Variants in MYRFL observed in about 807,000 individuals in gnomAD.
MYRFL encodes the protein myelin regulatory factor-like protein.
A neutral mutation model predicts 109.4 loss-of-function variants in MYRFL; 88 were observed. The ratio of observed to expected loss-of-function variants is 0.80; its 90% CI spans 0.68 to 0.96. The LOEUF (loss-of-function observed/expected upper bound fraction) is 0.96, where lower values mean the gene tolerates loss of function less well. MYRFL is among the 40% of genes least tolerant of loss of function. MYRFL has a pLI of 0.00. For missense variants in MYRFL, 957 were observed against 954.9 expected, an observed-to-expected ratio of 1.00 and a Z score of -0.03; for synonymous variants, 324 against 320.9, an observed-to-expected ratio of 1.01 and a Z score of -0.10.
At chr12:69,927,603 A>C in intron 14 of MYRFL, 82 bp from the exon 15 acceptor site, 1 of 981,810 alleles carries the variant, frequency 1.0e-6, no homozygotes, top group Non-Finnish European at 1.5e-6. Flanking sequence ...TCATATTGCT[A>C]TGTTAGTGAC....
intron 2 of MYRFL, among the ~76,000 whole-genome samples, chr12:69,864,118 A>G (rs918361175): frequency 1.3e-5 from 2 of 152,154 alleles, no homozygotes; most frequent in South Asian, 2.1e-4. Context: ...ATATGTTTCT[A>G]GGTATGAGCC....
At chr12:69,843,372 A>C (rs1284176520) in intron 1 of MYRFL, among the ~76,000 whole-genome samples, 2 of 152,224 alleles carry the variant, frequency 1.3e-5, no homozygotes, top group Non-Finnish European at 2.9e-5. Flanking sequence ...AAATTTTGTC[A>C]TCTTGCCAGT....
At chr12:69,878,180 T>G (rs916980918) in intron 2 of MYRFL, among the ~76,000 whole-genome samples, 40 of 144,872 alleles carry the variant, frequency 2.8e-4, no homozygotes, top group African/African-American at 1.0e-3. Context: ...GAGGTGGAGG[T>G]TGCAGTGAGC....
chr12:69,913,606 A>G (rs916860698), intron 13 of MYRFL, among the ~76,000 whole-genome samples: 1 of 152,138 alleles, frequency 6.6e-6, no homozygotes, highest in Non-Finnish European at 1.5e-5. Context: ...ATTTAACCAT[A>G]TATGTGAGAG....
chr12:69,867,660 G>T lies in MYRFL; in HGVS notation c.138-11368G>T, dbSNP rs572896021. Among the ~76,000 whole-genome samples the T allele has an allele frequency of 1.3e-3, 192 of 152,262 alleles. 1 individual carries two copies. The highest frequency in any genetic ancestry group is 4.5e-3 in the African/African-American group (187 of 41,558). On this transcript the variant is annotated intron_variant, in intron 2 of 24. Transcript: ENST00000552032. ...GTTTAACTTAGGACTTGGCTTATTGGGTTTGGGTGGCAAGATGAATTAGGA... is the reference window on the plus strand; with the variant it reads ...GTTTAACTTAGGACTTGGCTTATTGTGTTTGGGTGGCAAGATGAATTAGGA...
At chr12:69,948,860 T>G (rs1955902850) in intron 19 of MYRFL, among the ~76,000 whole-genome samples, 1 of 152,190 alleles carries the variant, frequency 6.6e-6, no homozygotes, top group South Asian at 2.1e-4. Flanking sequence ...TAGCTTCCCA[T>G]GTTCTTTCTC....
At chr12:69,845,313 C>T (rs1269866178) in intron 1 of MYRFL, among the ~76,000 whole-genome samples, 2 of 152,140 alleles carry the variant, frequency 1.3e-5, no homozygotes, top group African/African-American at 4.8e-5. Flanking sequence ...TTGTGCAATG[C>T]TTGGCACATG....
At chr12:69,912,792 G>A (rs1954613582) in intron 13 of MYRFL, among the ~76,000 whole-genome samples, 1 of 152,036 alleles carries the variant, frequency 6.6e-6, no homozygotes, top group Non-Finnish European at 1.5e-5. Context: ...TCAATATTCT[G>A]TTTTCAATTT....
chr12:69,953,593 A>T (rs1470327323), intron 21 of MYRFL, among the ~76,000 whole-genome samples: 1 of 151,166 alleles, frequency 6.6e-6, no homozygotes, highest in Non-Finnish European at 1.5e-5. Flanking sequence ...ACATGATGAG[A>T]TCCTGTCTCT....
intron 6 of MYRFL, among the ~76,000 whole-genome samples, chr12:69,890,212 C>A (rs2136337725): frequency 6.6e-6 from 1 of 152,238 alleles, no homozygotes; most frequent in South Asian, 2.1e-4. Flanking sequence ...TTCTTTCATC[C>A]AAGTGACTTT....
chr12:69,851,266 G>T (rs1214692999), intron 1 of MYRFL, among the ~76,000 whole-genome samples: 1 of 151,638 alleles, frequency 6.6e-6, no homozygotes, highest in Non-Finnish European at 1.5e-5. Flanking sequence ...TGGATGATGG[G>T]ATCTATACTT....
chr12:69,957,650 T>C (rs1368010899), intron 22 of MYRFL, among the ~76,000 whole-genome samples, 172 bp from the exon 23 acceptor site: 1 of 152,184 alleles, frequency 6.6e-6, no homozygotes, highest in African/African-American at 2.4e-5. Flanking sequence ...AGTAATGAGA[T>C]GTGAGCTGGC....
chr12:69,893,962 AC>A (rs1566004901), intron 8 of MYRFL, 122 bp downstream of exon 8: 1 of 243,528 alleles, frequency 4.1e-6, no homozygotes, highest in Non-Finnish European at 7.2e-6. Flanking sequence ...AATGAAACCT[AC>A]CATAGAATCC....
At chr12:69,877,023 CTTTTTTTTT>C (rs113649427) in intron 2 of MYRFL, among the ~76,000 whole-genome samples, 1 of 128,898 alleles carries the variant, frequency 7.8e-6, no homozygotes, top group African/African-American at 3.0e-5. Context: ...TTCTTTCTTT[CTTTTTTTTT>C]TTTTTTTTTG....
chr12:69,926,590 A>C lies in MYRFL; in HGVS notation c.1622A>C (p.Asn541Thr). 1.3e-6 allele frequency: 2 copies of C among 1,506,976 alleles called. No individual in the cohort carries two copies. The highest frequency in any genetic ancestry group is 1.8e-6 in the Non-Finnish European group (2 of 1,134,314). The allele number at this position is 1,506,976 out of a possible 1,614,324, so 93.4% of individuals were successfully genotyped here. Residue 541 changes from asparagine (N) to threonine (T), a missense_variant, in exon 14 of 25, where the codon AAT becomes ACT. By Grantham distance (65) the Asn-to-Thr change is moderately conservative. Transcript: ENST00000552032. ...TTTTAGGACCAGATCTTTATGGAAAATGTAGGTGCAGTGAAGCAACTGTGC... is the reference window on the plus strand; with the variant it reads ...TTTTAGGACCAGATCTTTATGGAAACTGTAGGTGCAGTGAAGCAACTGTGC... The part of the protein sequence containing the change: ...MVDKDQIFME[N>T]VGAVKQLCKL...
chr12:69,917,022 C>T (rs58191529), intron 13 of MYRFL, among the ~76,000 whole-genome samples: 4,399 of 152,202 alleles, frequency 0.029, 208 homozygotes, highest in African/African-American at 0.096. Flanking sequence ...CAGCCCCTCC[C>T]TCTCTCTGTT....
chr12:69,874,281 G>A (rs1180030188), intron 2 of MYRFL, among the ~76,000 whole-genome samples: 2 of 152,164 alleles, frequency 1.3e-5, no homozygotes, highest in Non-Finnish European at 2.9e-5. Context: ...GGGCTCAAGC[G>A]ATCCTTCAGC....
chr12:69,924,107 T>C (rs1954994665), intron 13 of MYRFL, among the ~76,000 whole-genome samples: 1 of 146,432 alleles, frequency 6.8e-6, no homozygotes, highest in Non-Finnish European at 1.5e-5. Flanking sequence ...GAGAATGGTG[T>C]GAACCCGGGA....
intron 10 of MYRFL, among the ~76,000 whole-genome samples, chr12:69,902,026 T>C (rs1217477462): frequency 6.6e-6 from 1 of 152,092 alleles, no homozygotes; most frequent in Non-Finnish European, 1.5e-5. Context: ...CCTGAGTAGC[T>C]GGGGCTATAG....
Sources: gnomAD v4.1 joint callset for allele counts (sites outside exome capture counted in the v4.1 genomes callset) on GRCh38, gnomAD v4.1.1 for gene constraint, MANE v1.5 for transcripts, NCBI Gene and HGNC (gene_info 2026-07-23, HGNC 2026-07-21) for gene names.